NLRP13: variants seen among roughly 807,000 people sequenced by gnomAD.
NLRP13 encodes the protein NLR family pyrin domain containing 13, also known as NACHT, LRR and PYD domains-containing protein 13.
NLRP13 carries 82 observed loss-of-function variants against 94.4 expected under a neutral mutation model. The observed-to-expected ratio is 0.87, with a 90% CI of 0.73 to 1.04. The LOEUF (loss-of-function observed/expected upper bound fraction) is 1.04. Among genes scored for constraint, NLRP13 ranks in the 50% least tolerant of loss-of-function variants. The probability of loss-of-function intolerance (pLI) is 0.00; values close to 1 mark genes in which losing one functional copy is unlikely to be tolerated. For missense variants in NLRP13, 1,426 were observed against 1,230.8 expected (o/e 1.16, Z -2.37); for synonymous variants, 553 against 464.7 (o/e 1.19, Z -2.45).
In NLRP13 at chr19:55,932,124, G is replaced by A. The variant is rs1291726065; in HGVS notation, c.188C>T (p.Ala63Val). The change falls in exon 1 of 11, where the codon GCC becomes GTC. Residue 63 changes from alanine to valine, a missense_variant. Coordinates refer to ENST00000342929, the MANE Select transcript of NLRP13 (RefSeq NM_176810.2). ...PRIPWANLRAADPLNLSFLLD... is the reference protein window; with the variant it reads ...PRIPWANLRAVDPLNLSFLLD... ...AAGAAAGGACAGATTCAAAGGGTCG[G>A]CAGCTCTCAAGTTTGCCCAGGGGAT... is the stretch of plus-strand genomic sequence containing the variant. 1.9e-6 allele frequency: 3 copies of A among 1,614,208 alleles called. No homozygotes were observed. In the South Asian group the frequency reaches 3.3e-5, roughly 18 times the overall value.
At position 55,931,713 on chromosome 19, in the gene NLRP13, A is replaced by G. The variant is rs113694785; in HGVS notation, c.319+280T>C. On this transcript the variant is annotated intron_variant, in intron 1 of 10. Transcript: ENST00000342929. ...GACAGAGTGGAGACTCAGGCTCAAAAAAAAAAAAAAAAGAAAGAAAGAAAG... is the reference window on the plus strand; with the variant it reads ...GACAGAGTGGAGACTCAGGCTCAAAGAAAAAAAAAAAAGAAAGAAAGAAAG... Among the ~76,000 whole-genome samples, 4 of 44,396 alleles carry G rather than the reference A, an allele frequency of 9.0e-5. 1 individual carries two copies. The highest frequency in any genetic ancestry group is 3.1e-4 in the African/African-American group (4 of 13,086). The allele number at this position is 44,396 out of a possible 152,430, so 29.1% of individuals were successfully genotyped here.
chr19:55,901,867 G>A (rs149885553), intron 9 of NLRP13, among the ~76,000 whole-genome samples, 168 bp downstream of exon 9: 4 of 152,010 alleles, frequency 2.6e-5, no homozygotes, highest in African/African-American at 9.6e-5. Flanking sequence ...ACACATTCAC[G>A]GTCCTCCCAC....
At chr19:55,930,358 G>A (rs377535) in intron 1 of NLRP13, among the ~76,000 whole-genome samples, 42,871 of 152,042 alleles carry the variant, frequency 0.28, 6,566 homozygotes, top group Admixed American at 0.38. Flanking sequence ...ATAGTGAAGA[G>A]TCAGTACAAA....
intron 9 of NLRP13, among the ~76,000 whole-genome samples, chr19:55,899,168 G>A (rs1250732219): frequency 2.6e-5 from 4 of 151,714 alleles, no homozygotes; most frequent in Non-Finnish European, 5.9e-5. Context: ...TCCCTCCCAC[G>A]CCCCCCGCAG....
At chr19:55,892,954 T>C (rs148102961), downstream of NLRP13, among the ~76,000 whole-genome samples, 407 of 152,260 alleles carry the variant, frequency 2.7e-3, 2 homozygotes, top group African/African-American at 9.4e-3. Flanking sequence ...CACAATAGCA[T>C]TGACATGGAA....
At chr19:55,908,799 A>C (rs1036788597) in intron 6 of NLRP13, among the ~76,000 whole-genome samples, 1 of 152,220 alleles carries the variant, frequency 6.6e-6, no homozygotes, top group Non-Finnish European at 1.5e-5. Context: ...GAGGATCAGG[A>C]AAAATAACTA....
In NLRP13 at chr19:55,923,950, G is replaced by C. The variant is rs763075823; in HGVS notation, c.487C>G (p.Pro163Ala). Residue 163 changes from proline (P) to alanine (A), a missense_variant, in exon 4 of 11, where the codon CCA becomes GCA. Transcript: ENST00000342929. Reference sequence around the variant, plus strand: ...AGCATCTCTGGTTCTTCTTGGTTTGGATCTTGGCATCCCTGGGCCTGTACA... The same window carrying C: ...AGCATCTCTGGTTCTTCTTGGTTTGCATCTTGGCATCCCTGGGCCTGTACA... ...GNVQAQGCQD[P>A]NQEEPEMLEE... is the part of the protein sequence containing the mutation. 5.6e-6 allele frequency: 9 copies of C among 1,613,770 alleles called. No individual in the cohort carries two copies. In the South Asian group the frequency reaches 9.9e-5, roughly 18 times the overall value.
chr19:55,919,690 C>T (rs1337375967), intron 4 of NLRP13, among the ~76,000 whole-genome samples: 1 of 151,670 alleles, frequency 6.6e-6, no homozygotes, highest in East Asian at 1.9e-4. Context: ...CTACAAAAAG[C>T]TTAAGAAATT....
At chr19:55,909,758 A>G (rs1243495349) in intron 6 of NLRP13, among the ~76,000 whole-genome samples, 3 of 152,176 alleles carry the variant, frequency 2.0e-5, no homozygotes, top group Admixed American at 2.0e-4. Context: ...AGAAGGCCTG[A>G]TGGCTTTGTT....
intron 7 of NLRP13, among the ~76,000 whole-genome samples, chr19:55,905,383 G>A (rs1865957): frequency 0.74 from 110,789 of 150,582 alleles, 41,119 homozygotes; most frequent in African/African-American, 0.83. Context: ...CTCCACTAAA[G>A]AAAATACATA....
chr19:55,924,068 T>C (rs1986909468), intron 3 of NLRP13, 89 bp from the exon 4 acceptor site: 10 of 973,594 alleles, frequency 1.0e-5, no homozygotes, highest in Non-Finnish European at 1.7e-5. Context: ...ACCAACTCTT[T>C]CTATGGCAAA....
Position 55,902,071 on chromosome 19 carries a change from G to T in NLRP13, c.2753C>A (p.Ala918Asp). The change falls in exon 9 of 11, where the codon GCC becomes GAC. Residue 918 changes from alanine to aspartate, a missense_variant. Ala to Asp is a moderately radical substitution (Grantham distance 126, BLOSUM62 -2). Coordinates refer to ENST00000342929, the MANE Select transcript of NLRP13 (RefSeq NM_176810.2). ...RDEGVKFLCE[A>D]LGRPDGNLQS... ...CAGGTTACCATCTGGGCGACCCAAG[G>T]CCTCACACAGGAACTTGACTCCCTC... is the stretch of plus-strand genomic sequence containing the variant. 2 of 1,614,170 alleles carry T rather than the reference G, an allele frequency of 1.2e-6. No individual in the cohort carries two copies. Among genetic ancestry groups the T allele is most frequent in the Non-Finnish European group, 1.7e-6 (2 of 1,180,022 alleles).
chr19:55,920,777 A>G (rs1054612013), intron 4 of NLRP13, among the ~76,000 whole-genome samples: 2 of 152,116 alleles, frequency 1.3e-5, no homozygotes, highest in African/African-American at 4.8e-5. Flanking sequence ...AAAAAAAATC[A>G]TATCATAAAG....
intron 2 of NLRP13, 25 bp from the exon 3 acceptor site, chr19:55,924,683 T>G: frequency 1.3e-6 from 2 of 1,597,408 alleles, no homozygotes; most frequent in Non-Finnish European, 1.7e-6. Flanking sequence ...GACGATGAGA[T>G]ATGAAAATAC....
chr19:55,892,090 C>G (rs1227398403), downstream of NLRP13: 4 of 1,231,732 alleles, frequency 3.2e-6, no homozygotes, highest in African/African-American at 4.6e-5. Context: ...TGTATCTCCT[C>G]TCTCACTACA....
intron 9 of NLRP13, among the ~76,000 whole-genome samples, chr19:55,899,313 C>T (rs1339570615): frequency 6.6e-6 from 1 of 152,182 alleles, no homozygotes; most frequent in African/African-American, 2.4e-5. Context: ...CCCATAACGG[C>T]AGGTCTGAAT....
chr19:55,905,165 C>T lies in NLRP13; in HGVS notation c.2448-53G>A. 3 of 1,593,352 alleles carry T rather than the reference C, an allele frequency of 1.9e-6. No homozygotes were observed. The South Asian group carries it at 3.3e-5, about 18-fold the overall frequency. The stretch of plus-strand genomic sequence containing the variant: ...CCTCAGCCATGATGCCCAGGTTCCT[C>T]TACCTTTCTCTCTCAACCCCTTAAC... On this transcript the variant is annotated intron_variant, in intron 7 of 10. Transcript: ENST00000342929.
At chr19:55,925,101 G>A in intron 1 of NLRP13, 66 bp from the exon 2 acceptor site, 1 of 1,410,468 alleles carries the variant, frequency 7.1e-7, no homozygotes, top group Non-Finnish European at 1.0e-6. Context: ...CAATAATGGA[G>A]TCTCTCAGTA....
chr19:55,921,448 GTC>G (rs1319016792), intron 4 of NLRP13, among the ~76,000 whole-genome samples: 2 of 152,064 alleles, frequency 1.3e-5, no homozygotes, highest in Non-Finnish European at 2.9e-5. Flanking sequence ...CTTTAAGAAT[GTC>G]TTCTACAGAA....
Sources: gnomAD v4.1 joint callset for allele counts (sites outside exome capture counted in the v4.1 genomes callset) on GRCh38, gnomAD v4.1.1 for gene constraint, MANE v1.5 for transcripts, NCBI Gene and HGNC (gene_info 2026-07-23, HGNC 2026-07-21) for gene names.